The following NEK1 variants were observed in gnomAD, a reference collection of about 807,000 sequenced individuals.
NEK1 encodes serine/threonine-protein kinase Nek1.
A neutral mutation model predicts 182.1 loss-of-function variants in NEK1; 137 were observed. The observed-to-expected ratio is 0.75, with a 90% CI of 0.65 to 0.87. The LOEUF (loss-of-function observed/expected upper bound fraction) is 0.87, where lower values mean the gene tolerates loss of function less well. Among genes scored for constraint, NEK1 ranks in the 40% least tolerant of loss-of-function variants. NEK1 has a pLI of 0.00. For synonymous variants in NEK1, 513 were observed against 492.2 expected, an observed-to-expected ratio of 1.04 and a Z score of -0.56; for missense variants, 1,391 against 1,494.4, an observed-to-expected ratio of 0.93 and a Z score of 1.14.
At chr4:169,538,046 A>G (rs946143246) in intron 18 of NEK1, 135 bp from the exon 19 acceptor site, 1 of 580,670 alleles carries the variant, frequency 1.7e-6, no homozygotes, top group Non-Finnish European at 3.0e-6. Flanking sequence ...GTAATGAAGA[A>G]ATCACTATAT....
intron 18 of NEK1, among the ~76,000 whole-genome samples, chr4:169,548,307 CAA>C (rs1461245552): frequency 1.3e-5 from 2 of 152,232 alleles, no homozygotes; most frequent in Admixed American, 6.5e-5. Flanking sequence ...TGAAGAACAG[CAA>C]AGATTGCTGC....
At chr4:169,595,649 C>T (rs1446184097) in intron 5 of NEK1, among the ~76,000 whole-genome samples, 3 of 152,028 alleles carry the variant, frequency 2.0e-5, no homozygotes, top group Non-Finnish European at 2.9e-5. Context: ...CCAGGCTGGG[C>T]GCAGTGGCTC....
intron 19 of NEK1, among the ~76,000 whole-genome samples, chr4:169,510,137 T>C (rs1401445860): frequency 6.6e-6 from 1 of 152,208 alleles, no homozygotes; most frequent in Middle Eastern, 3.2e-3. Flanking sequence ...CTCCTTGGCT[T>C]GTTGCTGAAT....
At chr4:169,546,369 T>A (rs2149857114) in intron 18 of NEK1, among the ~76,000 whole-genome samples, 1 of 152,348 alleles carries the variant, frequency 6.6e-6, no homozygotes, top group Admixed American at 6.5e-5. Context: ...ATTTCCATTC[T>A]TTTGCATTTG....
chr4:169,514,884 G>C (rs1323000360), intron 19 of NEK1, among the ~76,000 whole-genome samples: 2 of 151,654 alleles, frequency 1.3e-5, no homozygotes, highest in Non-Finnish European at 2.9e-5. Context: ...GCTTGATTTG[G>C]GAATATTTTG....
intron 5 of NEK1, among the ~76,000 whole-genome samples, chr4:169,591,275 A>C (rs1768454362): frequency 1.3e-5 from 2 of 151,544 alleles, no homozygotes; most frequent in Non-Finnish European, 2.9e-5. Flanking sequence ...CCTCCGAGGG[A>C]CTAGGACTAT....
intron 18 of NEK1, chr4:169,554,613 T>C (rs1203282319): frequency 6.6e-6 from 1 of 152,082 alleles, no homozygotes; most frequent in Non-Finnish European, 1.5e-5. Flanking sequence ...CTAGAAAAGC[T>C]AAAACTATGA....
chr4:169,539,634 TTC>T (rs1483858658), intron 18 of NEK1, among the ~76,000 whole-genome samples: 1 of 152,050 alleles, frequency 6.6e-6, no homozygotes. Flanking sequence ...TAAGGCTGTA[TTC>T]TGTTTTGCTA....
chr4:169,569,737 G>C (rs891573496), intron 12 of NEK1, among the ~76,000 whole-genome samples: 1 of 151,764 alleles, frequency 6.6e-6, no homozygotes, highest in African/African-American at 2.4e-5. Flanking sequence ...CGAGTGATCC[G>C]CCAGCCTCGG....
chr4:169,397,554 G>A (rs1730940311), intron 35 of NEK1, among the ~76,000 whole-genome samples: 1 of 152,046 alleles, frequency 6.6e-6, no homozygotes, highest in South Asian at 2.1e-4. Context: ...TGCCAGGGTA[G>A]GCATCTTCAA....
chr4:169,498,117 T>C (rs988955007), intron 23 of NEK1, among the ~76,000 whole-genome samples: 12 of 152,372 alleles, frequency 7.9e-5, no homozygotes, highest in African/African-American at 2.6e-4. Context: ...ATATTTAGGA[T>C]AGTTAGCTCT....
intron 5 of NEK1, among the ~76,000 whole-genome samples, chr4:169,596,170 G>A (rs1170562415): frequency 2.0e-5 from 3 of 152,056 alleles, no homozygotes; most frequent in African/African-American, 4.8e-5. Flanking sequence ...CGTTAGGATA[G>A]AAGAACAAAT....
intron 9 of NEK1, among the ~76,000 whole-genome samples, chr4:169,586,086 T>C (rs1442888142): frequency 6.6e-6 from 1 of 152,068 alleles, no homozygotes; most frequent in Non-Finnish European, 1.5e-5. Flanking sequence ...ATAAAAAATA[T>C]CTTAATAGGA....
intron 16 of NEK1, among the ~76,000 whole-genome samples, chr4:169,557,049 T>A (rs767873816): frequency 6.6e-6 from 1 of 151,908 alleles, no homozygotes; most frequent in Non-Finnish European, 1.5e-5. Flanking sequence ...TAGAAAGGAT[T>A]TATAAAGTTT....
At chr4:169,457,854 G>A (rs529552806) in intron 27 of NEK1, among the ~76,000 whole-genome samples, 4 of 151,612 alleles carry the variant, frequency 2.6e-5, no homozygotes, top group Non-Finnish European at 4.4e-5. Context: ...AAAAAAGACC[G>A]GAAGCTACAT....
At chr4:169,459,055 A>C (rs898986268) in intron 27 of NEK1, among the ~76,000 whole-genome samples, 1 of 152,032 alleles carries the variant, frequency 6.6e-6, no homozygotes, top group African/African-American at 2.4e-5. Flanking sequence ...GAAAAAAAAA[A>C]CCCAATCCAA....
chr4:169,570,900 A>G (rs1262157533), intron 12 of NEK1, among the ~76,000 whole-genome samples: 1 of 152,124 alleles, frequency 6.6e-6, no homozygotes, highest in Non-Finnish European at 1.5e-5. Flanking sequence ...TGCTCTCTGA[A>G]ACATGTGCTG....
At chr4:169,495,239 CTTTTTTTT>C (rs774183115) in intron 23 of NEK1, among the ~76,000 whole-genome samples, 7 of 105,450 alleles carry the variant, frequency 6.6e-5, no homozygotes, top group Non-Finnish European at 9.7e-5. Flanking sequence ...ACATTTAAGT[CTTTTTTTT>C]TTTTTTTTTT....
chr4:169,412,499 C>CTT (rs563943482), intron 31 of NEK1, among the ~76,000 whole-genome samples: 37 of 152,310 alleles, frequency 2.4e-4, no homozygotes, highest in Non-Finnish European at 4.0e-4. Context: ...AGAGAATGAA[C>CTT]TTTAAACCAT....
Sources: allele counts gnomAD v4.1 joint callset (sites outside exome capture counted in the v4.1 genomes callset), GRCh38; gene constraint gnomAD v4.1.1; transcripts MANE v1.5; gene names NCBI Gene and HGNC (gene_info 2026-07-23, HGNC 2026-07-21).